Variants in ERRFI1 observed in about 807,000 individuals in gnomAD.
ERRFI1 encodes ERBB receptor feedback inhibitor 1, also known as mitogen-inducible gene 6 protein.
In ERRFI1, 12 loss-of-function variants were observed where a neutral mutation model predicts 14.6. That is an observed-to-expected ratio of 0.82 (90% CI 0.53 to 1.33). The LOEUF (loss-of-function observed/expected upper bound fraction) is 1.33, where lower values mean the gene tolerates loss of function less well. Ranked by LOEUF, ERRFI1 falls within the 40% of genes most tolerant of loss-of-function variation. The probability of loss-of-function intolerance (pLI) is 0.00; values close to 1 mark genes in which losing one functional copy is unlikely to be tolerated. For missense variants in ERRFI1, 482 were observed against 572.1 expected (o/e 0.84, Z 1.61); for synonymous variants, 202 against 209.9 (o/e 0.96, Z 0.32).
chr1:8,016,659 A>G (rs1432910112), intron 1 of ERRFI1, among the ~76,000 whole-genome samples: 1 of 152,136 alleles, frequency 6.6e-6, no homozygotes, highest in Non-Finnish European at 1.5e-5. Flanking sequence ...CAGATAGCCA[A>G]GTTTATTTAT....
chr1:8,025,342 A>G (rs1360959444), intron 1 of ERRFI1, among the ~76,000 whole-genome samples: 3 of 152,256 alleles, frequency 2.0e-5, no homozygotes, highest in Non-Finnish European at 4.4e-5. Context: ...ATACACACAC[A>G]AAATTCCCAA....
intron 1 of ERRFI1, among the ~76,000 whole-genome samples, chr1:8,025,101 C>A (rs2124080051): frequency 6.6e-6 from 1 of 152,244 alleles, no homozygotes; most frequent in South Asian, 2.1e-4. Flanking sequence ...CCAGTCTTGC[C>A]CTACCTGTGT....
At chr1:8,024,855 C>T (rs924012426) in intron 1 of ERRFI1, among the ~76,000 whole-genome samples, 1 of 152,034 alleles carries the variant, frequency 6.6e-6, no homozygotes, top group African/African-American at 2.4e-5. Flanking sequence ...CCTAGCCTGT[C>T]TTTGGTCTCT....
rs772806732 is a variant in ERRFI1 at position 8,013,291 on chromosome 1, T to C, written c.1308A>G (p.Thr436=). 4.6e-5 allele frequency: 75 copies of C among 1,614,104 alleles called. 1 individual carries two copies. The highest frequency in any genetic ancestry group is 1.6e-4 in the Middle Eastern group (1 of 6,084). The change falls in exon 4 of 4, where the codon ACA becomes ACG. Residue 436 remains threonine, a synonymous_variant. Coordinates refer to ENST00000377482, the MANE Select transcript of ERRFI1 (RefSeq NM_018948.4). The surrounding 1 kb of genome is among the most constrained non-coding windows in gnomAD (Gnocchi z 4.3). ...TTTTTGTTTTTGAGTCTGGCTTTTCTGTGGCTGAAGATATACCGCAGTCAG... is the reference window on the plus strand; with the variant it reads ...TTTTTGTTTTTGAGTCTGGCTTTTCCGTGGCTGAAGATATACCGCAGTCAG... The part of the protein sequence containing the change: ...LPADCGISSA[T]EKPDSKTKMD...
intron 1 of ERRFI1, among the ~76,000 whole-genome samples, chr1:8,016,851 C>CTGGG (rs1286037349): frequency 1.3e-5 from 2 of 151,656 alleles, no homozygotes; most frequent in East Asian, 3.9e-4. Flanking sequence ...TGTGCAAAGG[C>CTGGG]TGGGCACTGT....
At position 8,012,490 on chromosome 1, in the gene ERRFI1, A is replaced by C. The variant is rs894173522; in HGVS notation, c.*720T>G. On this transcript the variant is annotated 3_prime_UTR_variant, in exon 4 of 4. Coordinates refer to ENST00000377482, the MANE Select transcript of ERRFI1 (RefSeq NM_018948.4). ...TAAGGGAAAATTAGTCACTAGTTCT[A>C]TTATCGTTTTATTTTTCAAGATGTG... 5 of 227,692 alleles carry C rather than the reference A, an allele frequency of 2.2e-5. No individual in the cohort carries two copies. Among genetic ancestry groups the C allele is most frequent in the African/African-American group, 1.1e-4 (5 of 44,954 alleles). 14.1% of individuals were successfully genotyped at this position (227,692 alleles called of 1,614,324 possible).
intron 1 of ERRFI1, among the ~76,000 whole-genome samples, chr1:8,020,074 T>TAA (rs539364101): frequency 7.9e-4 from 102 of 129,588 alleles, no homozygotes; most frequent in African/African-American, 2.8e-3. Flanking sequence ...TGAAACTGCT[T>TAA]AAAAAAAAAA....
At chr1:8,015,079 TC>T in intron 3 of ERRFI1, 1 of 525,180 alleles carries the variant, frequency 1.9e-6, no homozygotes, top group South Asian at 2.4e-5. Context: ...AGATCCCACG[TC>T]CATGAACAGT....
chr1:8,017,388 T>G (rs1173131034), intron 1 of ERRFI1, among the ~76,000 whole-genome samples: 1 of 152,210 alleles, frequency 6.6e-6, no homozygotes. Flanking sequence ...TATTTTTCTT[T>G]AAATCAATCT....
intron 1 of ERRFI1, among the ~76,000 whole-genome samples, chr1:8,017,877 G>A (rs1641201177): frequency 6.6e-6 from 1 of 152,174 alleles, no homozygotes; most frequent in Non-Finnish European, 1.5e-5. Context: ...CGCCTCTGCA[G>A]AAATTGCCTT....
intron 1 of ERRFI1, 119 bp from the exon 2 acceptor site, chr1:8,015,811 G>T: frequency 1.6e-6 from 1 of 621,286 alleles, no homozygotes; most frequent in Non-Finnish European, 2.7e-6. Context: ...GAAAAAATTA[G>T]TTGTAGACTT....
chr1:8,013,336 G>T lies in ERRFI1; in HGVS notation c.1263C>A (p.Ala421=), dbSNP rs1202315909. Residue 421 remains alanine (A), a synonymous_variant, in exon 4 of 4, where the codon GCC becomes GCA. Transcript: ENST00000377482. The surrounding 1 kb of genome is among the most constrained non-coding windows in gnomAD (Gnocchi z 4.3). The part of the protein sequence containing the change: ...FREAEETNGG[A]QIQPLPADCG... ...AGTCAGCAGGTAATGGCTGGATTTG[G>T]GCGCCTCCATTTGTTTCTTCTGCTT... 1 of 1,614,128 alleles carries T rather than the reference G, an allele frequency of 6.2e-7. No homozygotes were observed. The highest frequency in any genetic ancestry group is 2.2e-5 in the East Asian group (1 of 44,876).
At position 8,012,141 on chromosome 1, in the gene ERRFI1, C is replaced by G. The variant is rs1425491308; in HGVS notation, c.*1069G>C. On this transcript the variant is annotated 3_prime_UTR_variant, in exon 4 of 4. Coordinates refer to ENST00000377482, the MANE Select transcript of ERRFI1 (RefSeq NM_018948.4). ...AGATGCTGATGTGACCTCTGGAATT[C>G]AGACATACTGAGCTATGGGTCAGAA... The G allele has an allele frequency of 8.7e-6, 2 of 229,896 alleles. No individual in the cohort carries two copies. Among genetic ancestry groups the G allele is most frequent in the Admixed American group, 5.7e-5 (1 of 17,628 alleles). 14.2% of individuals were successfully genotyped at this position (229,896 alleles called of 1,614,324 possible).
In ERRFI1 at chr1:8,013,187, C is replaced by A. The variant is rs370050780; in HGVS notation, c.*23G>T. On this transcript the variant is annotated 3_prime_UTR_variant, in exon 4 of 4. Transcript: ENST00000377482. This position sits in a 1 kb window ranked among gnomAD's most constrained non-coding sequence, Gnocchi z 4.3. ...AGAACCATTTGCTCCTATGTAACCT[C>A]TGCTGAACCATGACCCCAAGGTCTA... 8.9e-6 allele frequency: 14 copies of A among 1,570,542 alleles called. No individual in the cohort carries two copies. The highest frequency in any genetic ancestry group is 1.4e-5 in the African/African-American group (1 of 72,936).
intron 1 of ERRFI1, among the ~76,000 whole-genome samples, chr1:8,021,268 G>A (rs781476480): frequency 6.6e-6 from 1 of 152,166 alleles, no homozygotes; most frequent in Non-Finnish European, 1.5e-5. Flanking sequence ...TTCTAGCTAA[G>A]TATTTTAAAA....
intron 1 of ERRFI1, among the ~76,000 whole-genome samples, chr1:8,017,571 G>A (rs1641194684): frequency 6.6e-6 from 1 of 152,090 alleles, no homozygotes; most frequent in Non-Finnish European, 1.5e-5. Context: ...TGTGTACTTA[G>A]CCCAGTGGTT....
intron 1 of ERRFI1, among the ~76,000 whole-genome samples, chr1:8,023,941 G>A (rs1027999793): frequency 6.6e-6 from 1 of 152,166 alleles, no homozygotes; most frequent in Non-Finnish European, 1.5e-5. Context: ...GATGCTAAAT[G>A]TATCCAAATG....
intron 1 of ERRFI1, among the ~76,000 whole-genome samples, 183 bp downstream of exon 1, chr1:8,025,975 G>A (rs1641342239): frequency 6.6e-6 from 1 of 151,788 alleles, no homozygotes; most frequent in South Asian, 2.1e-4. Flanking sequence ...AAGCCCGCGA[G>A]CGACCGGCCG....
chr1:8,024,749 C>T (rs1354327682), intron 1 of ERRFI1, among the ~76,000 whole-genome samples: 1 of 152,156 alleles, frequency 6.6e-6, no homozygotes, highest in East Asian at 1.9e-4. Context: ...AAAGAACTTG[C>T]TTGATAACAT....
Sources: allele counts gnomAD v4.1 joint callset (sites outside exome capture counted in the v4.1 genomes callset), GRCh38; gene constraint gnomAD v4.1.1; non-coding constraint Gnocchi (gnomAD v3.1); transcripts MANE v1.5; gene names NCBI Gene and HGNC (gene_info 2026-07-23, HGNC 2026-07-21).